TRPM7: variants seen among roughly 807,000 people sequenced by gnomAD.
TRPM7 encodes LTRPC ion channel family member 7.
In TRPM7, 134 loss-of-function variants were observed where a neutral mutation model predicts 229.7. That is an observed-to-expected ratio of 0.58 (90% CI 0.51 to 0.67). The LOEUF (loss-of-function observed/expected upper bound fraction) is 0.67. TRPM7 is among the 30% of genes least tolerant of loss of function. The probability of loss-of-function intolerance (pLI) is 0.00; values close to 1 mark genes in which losing one functional copy is unlikely to be tolerated. For missense variants in TRPM7, 1,901 were observed against 2,210.0 expected, an observed-to-expected ratio of 0.86 and a Z score of 2.80; for synonymous variants, 699 against 715.2, an observed-to-expected ratio of 0.98 and a Z score of 0.36.
At chr15:50,620,588 T>C (rs2060365932) in intron 12 of TRPM7, among the ~76,000 whole-genome samples, 2 of 152,208 alleles carry the variant, frequency 1.3e-5, no homozygotes, top group South Asian at 2.1e-4. Flanking sequence ...ACAATTGATA[T>C]TGCATATGAA....
Position 50,569,903 on chromosome 15 carries a change from T to C in TRPM7, c.5451A>G (p.Arg1817=). ...RAKHHCNSCC[R]KLKLPDLKRN... Reference sequence around the variant, plus strand: ...ATTTTTTACCTGGAAGTTTAAGCTTTCTACAGCAAGAATTACAGTGATGTT... The same window carrying C: ...ATTTTTTACCTGGAAGTTTAAGCTTCCTACAGCAAGAATTACAGTGATGTT... Residue 1817 remains arginine (R), a synonymous_variant, in exon 38 of 39, where the codon AGA becomes AGG. Transcript: ENST00000646667. 1.2e-6 allele frequency: 2 copies of C among 1,603,656 alleles called. No homozygotes were observed. Among genetic ancestry groups the C allele is most frequent in the East Asian group, 2.2e-5 (1 of 44,742 alleles).
chr15:50,658,037 C>T (rs1186691049), intron 2 of TRPM7, among the ~76,000 whole-genome samples: 1 of 147,586 alleles, frequency 6.8e-6, no homozygotes, highest in East Asian at 2.0e-4. Flanking sequence ...CAGAGTCTCG[C>T]TCTGTTGCCC....
At chr15:50,684,944 TTAA>T (rs2062324486) in intron 1 of TRPM7, among the ~76,000 whole-genome samples, 1 of 152,252 alleles carries the variant, frequency 6.6e-6, no homozygotes, top group African/African-American at 2.4e-5. Context: ...TAAGCAATTA[TTAA>T]TTTTTAGGCA....
chr15:50,645,672 T>G (rs752554468), intron 4 of TRPM7, among the ~76,000 whole-genome samples: 4 of 152,186 alleles, frequency 2.6e-5, no homozygotes, highest in Non-Finnish European at 4.4e-5. Context: ...CAGTTTTGTT[T>G]AACTCATTAT....
chr15:50,666,561 T>C (rs1466349126), intron 1 of TRPM7, among the ~76,000 whole-genome samples: 4 of 151,924 alleles, frequency 2.6e-5, no homozygotes, highest in African/African-American at 9.7e-5. Flanking sequence ...CCCAGCACTT[T>C]GGGAGGCTGA....
chr15:50,621,447 T>C (rs1055723264), intron 12 of TRPM7, among the ~76,000 whole-genome samples: 11 of 152,224 alleles, frequency 7.2e-5, no homozygotes, highest in Non-Finnish European at 1.3e-4. Context: ...AAATGTACTT[T>C]AACACAGTAA....
At chr15:50,651,744 G>A (rs2061425337) in intron 3 of TRPM7, among the ~76,000 whole-genome samples, 1 of 151,938 alleles carries the variant, frequency 6.6e-6, no homozygotes, top group Admixed American at 6.6e-5. Flanking sequence ...TAAAAAATAA[G>A]CTGGGCGTCG....
At chr15:50,634,313 A>G in intron 8 of TRPM7, 69 bp downstream of exon 8, 1 of 1,226,826 alleles carries the variant, frequency 8.2e-7, no homozygotes. Flanking sequence ...AGACACAGCA[A>G]GACTCCGTAT....
Position 50,678,239 on chromosome 15 carries a change from C to CAAAAAAAA in TRPM7, c.3+8284_3+8291dup, listed in dbSNP as rs527874854. 4.0e-4 allele frequency among the ~76,000 whole-genome samples: 37 copies of CAAAAAAAA among 92,046 alleles called. 3 individuals carry two copies. Among genetic ancestry groups the CAAAAAAAA allele is most frequent in the Middle Eastern group, 6.6e-3 (1 of 152 alleles). The allele number at this position is 92,046 out of a possible 152,430, so 60.4% of individuals were successfully genotyped here. A position where few individuals can be genotyped will look rare whatever the true frequency, so the allele number is the denominator to read the frequency against. Reference sequence around the variant, plus strand: ...TGGGCAACAGAGTGAGACTCTCTCTCAAAAAAAAAAAACAAAAACAAAAAC... The same window carrying CAAAAAAAA: ...TGGGCAACAGAGTGAGACTCTCTCTCAAAAAAAAAAAAAAAAAAAACAAAAACAAAAAC... On this transcript the variant is annotated intron_variant, in intron 1 of 38. Transcript: ENST00000646667.
intron 3 of TRPM7, among the ~76,000 whole-genome samples, chr15:50,650,357 A>G (rs2061389456): frequency 6.6e-6 from 1 of 152,090 alleles, no homozygotes; most frequent in East Asian, 1.9e-4. Flanking sequence ...AAGGCTTATG[A>G]CAGGGTCCTC....
intron 1 of TRPM7, among the ~76,000 whole-genome samples, chr15:50,682,372 G>T (rs2062261772): frequency 6.6e-6 from 1 of 151,768 alleles, no homozygotes; most frequent in South Asian, 2.1e-4. Context: ...GAGGTCAAGA[G>T]ATCGAGACCA....
intron 11 of TRPM7, among the ~76,000 whole-genome samples, chr15:50,626,257 T>C (rs2060556031): frequency 6.6e-6 from 1 of 152,150 alleles, no homozygotes; most frequent in Admixed American, 6.5e-5. Context: ...TAGGGCATTA[T>C]ACATATATTC....
chr15:50,596,773 C>T (rs1037746033), intron 22 of TRPM7, among the ~76,000 whole-genome samples: 11 of 152,124 alleles, frequency 7.2e-5, no homozygotes, highest in Non-Finnish European at 1.5e-4. Context: ...TCCCCTGAGA[C>T]GGAGTCTTGC....
intron 12 of TRPM7, among the ~76,000 whole-genome samples, chr15:50,620,069 T>G (rs979795111): frequency 2.0e-5 from 3 of 152,220 alleles, no homozygotes; most frequent in Admixed American, 6.5e-5. Context: ...AAATTTACAT[T>G]TCTTTCATTG....
intron 23 of TRPM7, among the ~76,000 whole-genome samples, chr15:50,595,327 G>C (rs1013350985): frequency 6.6e-6 from 1 of 150,896 alleles, no homozygotes; most frequent in African/African-American, 2.4e-5. Flanking sequence ...TACATATACT[G>C]AACAGCCCTG....
chr15:50,633,143 G>A (rs2060788006), intron 8 of TRPM7, 151 bp from the exon 9 acceptor site: 1 of 543,196 alleles, frequency 1.8e-6, no homozygotes, highest in Non-Finnish European at 2.9e-6. Flanking sequence ...TCCTACATGA[G>A]ACTCCCAACA....
At chr15:50,686,245 C>G (rs1204837190) in intron 1 of TRPM7, among the ~76,000 whole-genome samples, 3 of 152,224 alleles carry the variant, frequency 2.0e-5, no homozygotes, top group African/African-American at 4.8e-5. Context: ...CAGGTAGTCC[C>G]GGGCTCGCGC....
chr15:50,635,968 G>C (rs1461511011), intron 7 of TRPM7, among the ~76,000 whole-genome samples: 2 of 151,078 alleles, frequency 1.3e-5, no homozygotes, highest in Non-Finnish European at 2.9e-5. Flanking sequence ...GACAGTGCGA[G>C]ACTCCATCTC....
intron 8 of TRPM7, among the ~76,000 whole-genome samples, chr15:50,633,867 G>A (rs1567048749): frequency 6.6e-6 from 1 of 152,194 alleles, no homozygotes; most frequent in Non-Finnish European, 1.5e-5. Flanking sequence ...TGTGTTCCAT[G>A]AAGATGGTTT....
Sources: gnomAD v4.1 joint callset for allele counts (sites outside exome capture counted in the v4.1 genomes callset) on GRCh38, gnomAD v4.1.1 for gene constraint, MANE v1.5 for transcripts, NCBI Gene and HGNC (gene_info 2026-07-23, HGNC 2026-07-21) for gene names.